The following GTPBP6 variants were observed in gnomAD, a reference collection of about 807,000 sequenced individuals.
The protein encoded by GTPBP6 is GTP binding protein 6, also known as putative GTP-binding protein 6.
In GTPBP6, 33 loss-of-function variants were observed where a neutral mutation model predicts 28.9. That is an observed-to-expected ratio of 1.14 (90% CI 0.87 to 1.53). The LOEUF (loss-of-function observed/expected upper bound fraction) is 1.53. Ranked by LOEUF, GTPBP6 falls within the 40% of genes most tolerant of loss-of-function variation. The pLI, the probability that GTPBP6 is intolerant of heterozygous loss-of-function variation, is 0.00. For synonymous variants in GTPBP6, 231 were observed against 192.7 expected, an observed-to-expected ratio of 1.20 and a Z score of -1.65; for missense variants, 507 against 408.3, an observed-to-expected ratio of 1.24 and a Z score of -2.08.
At chrX:313,409 G>A (rs2070355367) in intron 5 of GTPBP6, among the ~76,000 whole-genome samples, 1 of 151,964 alleles carries the variant, frequency 6.6e-6, no homozygotes, top group African/African-American at 2.4e-5. Flanking sequence ...GAGGCCACAA[G>A]CCTGGGACGC....
chrX:315,689 C>T (rs1192907531), intron 2 of GTPBP6, among the ~76,000 whole-genome samples: 1 of 9,970 alleles, frequency 1.0e-4, no homozygotes, highest in Admixed American at 7.3e-4. Flanking sequence ...AACACATACA[C>T]ACACACACAC....
intron 4 of GTPBP6, 47 bp from the exon 5 acceptor site, chrX:314,264 C>G (rs369070412): frequency 1.3e-6 from 2 of 1,499,280 alleles, no homozygotes; most frequent in Admixed American, 1.7e-5. Flanking sequence ...CGCTGTCTCC[C>G]TCCCGGCAGA....
exon 1 of GTPBP6, chrX:318,772 C>T: frequency 6.5e-6 from 2 of 308,100 alleles, no homozygotes. Context: ...CGTACGGCGG[C>T]CCGCAGGGCC....
At chrX:311,773 C>T (rs1209531703) in intron 6 of GTPBP6, 146 bp from the exon 7 acceptor site, 147 of 681,120 alleles carry the variant, frequency 2.2e-4, no homozygotes, top group Non-Finnish European at 3.0e-4. Flanking sequence ...TCGGGCACCC[C>T]GGGCCAGACC....
intron 6 of GTPBP6, 200 bp from the exon 7 acceptor site, chrX:311,827 G>A: frequency 1.6e-6 from 1 of 614,620 alleles, no homozygotes; most frequent in South Asian, 1.9e-5. Context: ...CGGGCCGATG[G>A]AGCGGGGCCG....
chrX:313,532 A>G (rs1423223958), intron 5 of GTPBP6, among the ~76,000 whole-genome samples: 3 of 152,150 alleles, frequency 2.0e-5, no homozygotes, highest in Non-Finnish European at 1.5e-5. Context: ...AGATCTGTCC[A>G]CATCCTAATT....
chrX:308,869 G>A (rs2070227783), intron 7 of GTPBP6, among the ~76,000 whole-genome samples: 1 of 151,548 alleles, frequency 6.6e-6, no homozygotes, highest in Non-Finnish European at 1.5e-5. Flanking sequence ...TTGAGTAGCT[G>A]GGACTACAGG....
chrX:305,061 T>C, exon 10 of GTPBP6: 1 of 1,611,736 alleles, frequency 6.2e-7, no homozygotes, highest in Non-Finnish European at 8.5e-7. Context: ...CGCAGGCCTC[T>C]GTGGGCGTCC....
Position 312,892 on chromosome X carries a change from G to A in GTPBP6, c.790C>T (p.Leu264=), listed in dbSNP as rs755412815. 6.8e-6 allele frequency: 11 copies of A among 1,612,670 alleles called. No homozygotes were observed. The African/African-American group carries it at 1.2e-4, about 18-fold the overall frequency. ...CTGATCTTGGCCTCCTTCTCTCTCA[G>A]GAGACGCTGCTGCAGCTGCATGAAG... Residue 264 remains leucine, a synonymous_variant, in exon 6 of 10, where the codon CTG becomes TTG. Transcript: ENST00000326153.
At chrX:317,198 C>G in intron 1 of GTPBP6, 147 bp from the exon 2 acceptor site, 1 of 397,468 alleles carries the variant, frequency 2.5e-6, no homozygotes, top group East Asian at 3.6e-5. Flanking sequence ...ATGACTTCGT[C>G]CCCCCAGGGC....
At chrX:314,397 G>A (rs2070385655) in intron 4 of GTPBP6, among the ~76,000 whole-genome samples, 180 bp from the exon 5 acceptor site, 1 of 152,190 alleles carries the variant, frequency 6.6e-6, no homozygotes, top group African/African-American at 2.4e-5. Flanking sequence ...CGGGCCGAGG[G>A]GACCTGCCTA....
intron 9 of GTPBP6, among the ~76,000 whole-genome samples, chrX:306,845 G>A (rs1041380205): frequency 6.7e-6 from 1 of 149,136 alleles, no homozygotes; most frequent in Non-Finnish European, 1.5e-5. Context: ...TATTTTGAGT[G>A]TCAGCACAGA....
intron 2 of GTPBP6, 70 bp downstream of exon 2, chrX:316,844 G>A (rs2070448874): frequency 5.0e-6 from 2 of 398,938 alleles, no homozygotes; most frequent in Non-Finnish European, 8.8e-6. Flanking sequence ...AGCATGTCTC[G>A]GTTGGATGTT....
exon 10 of GTPBP6, chrX:304,950 G>T: frequency 6.7e-7 from 1 of 1,482,792 alleles, no homozygotes. Context: ...GGAGCGAGAC[G>T]GGTGCAGAAC....
chrX:311,504 T>G (rs371829403), exon 7 of GTPBP6: 1 of 1,612,288 alleles, frequency 6.2e-7, no homozygotes. Flanking sequence ...GGTGTCCACG[T>G]ACAGGACGGT....
At position 317,569 on chromosome X, in the gene GTPBP6, T is replaced by TGGGGGTGGGGGGTGGGGG. The variant is rs1187572118; in HGVS notation, c.350-519_350-518insCCCCCACCCCCCACCCCC. 5.9e-3 allele frequency among the ~76,000 whole-genome samples: 688 copies of TGGGGGTGGGGGGTGGGGG among 117,596 alleles called. 4 individuals carry two copies. Among genetic ancestry groups the TGGGGGTGGGGGGTGGGGG allele is most frequent in the Middle Eastern group, 0.017 (3 of 178 alleles). The allele number at this position is 117,596 out of a possible 152,430, so 77.1% of individuals were successfully genotyped here. ...GCATTTCCTCCTGGGGGGTGGGGGG[T>TGGGGGTGGGGGGTGGGGG]GGGACTAGACACAGATTGGTCCGCT... On this transcript the variant is annotated intron_variant, in intron 1 of 9. Transcript: ENST00000326153.
Position 311,471 on chromosome X carries a change from G to A in GTPBP6, c.1073C>T (p.Pro358Leu), listed in dbSNP as rs181219083. The A allele has an allele frequency of 2.9e-5, 46 of 1,585,846 alleles. No homozygotes were observed. In the Admixed American group the frequency reaches 4.1e-4, roughly 14 times the overall value. ...GGAGAAGGACTCGATGAGGCCGTGC[G>A]GCAGCTGGGAGAGGAAGCCGATGGT... Residue 358 changes from proline to leucine, a missense_variant, in exon 7 of 10, where the codon CCG becomes CTG. By Grantham distance (98) the Pro-to-Leu change is moderately conservative. Coordinates refer to ENST00000326153, the Ensembl canonical transcript of GTPBP6.
chrX:309,100 G>A (rs1043332257), intron 7 of GTPBP6, among the ~76,000 whole-genome samples: 1 of 152,126 alleles, frequency 6.6e-6, no homozygotes, highest in African/African-American at 2.4e-5. Context: ...CCTCAAGGAG[G>A]TGGCAGCCGC....
In GTPBP6 at chrX:309,049, G is replaced by A. The variant is rs192801369; in HGVS notation, c.1126-1169C>T. 1.7e-3 allele frequency among the ~76,000 whole-genome samples: 262 copies of A among 152,232 alleles called. 1 individual carries two copies. Among genetic ancestry groups the A allele is most frequent in the African/African-American group, 6.0e-3 (248 of 41,560 alleles). On this transcript the variant is annotated intron_variant, in intron 7 of 9. Coordinates refer to ENST00000326153, the Ensembl canonical transcript of GTPBP6. ...CCATAATTTATTGTCGGGAGGAGTCGAAAGCGGAGTCCAGGCTCCGGGCGG... is the reference window on the plus strand; with the variant it reads ...CCATAATTTATTGTCGGGAGGAGTCAAAAGCGGAGTCCAGGCTCCGGGCGG...
Sources: gnomAD v4.1 joint callset for allele counts (sites outside exome capture counted in the v4.1 genomes callset) on GRCh38, gnomAD v4.1.1 for gene constraint, MANE v1.5 for transcripts, NCBI Gene and HGNC (gene_info 2026-07-23, HGNC 2026-07-21) for gene names.